The following P3H2 variants were observed in gnomAD, a reference collection of about 807,000 sequenced individuals.
P3H2 encodes leprecan-like 1.
P3H2 carries 80 observed loss-of-function variants against 87.0 expected under a neutral mutation model. The ratio of observed to expected loss-of-function variants is 0.92; its 90% CI spans 0.77 to 1.11. P3H2 has a LOEUF of 1.11. Ranked by LOEUF, P3H2 falls within the 50% of genes least tolerant of loss-of-function variation. The pLI, the probability that P3H2 is intolerant of heterozygous loss-of-function variation, is 0.00. For missense variants in P3H2, 1,001 were observed against 923.9 expected, an observed-to-expected ratio of 1.08 and a Z score of -1.08; for synonymous variants, 367 against 359.3, an observed-to-expected ratio of 1.02 and a Z score of -0.24.
chr3:190,094,722 C>T (rs1024505862), intron 1 of P3H2, among the ~76,000 whole-genome samples: 1 of 152,192 alleles, frequency 6.6e-6, no homozygotes, highest in African/African-American at 2.4e-5. Context: ...ATATATAGTA[C>T]TTTGTAATCC....
chr3:190,082,553 A>G (rs775871602), intron 1 of P3H2, among the ~76,000 whole-genome samples: 22 of 152,290 alleles, frequency 1.4e-4, no homozygotes, highest in Admixed American at 5.2e-4. Flanking sequence ...TTTATCTGTT[A>G]TTTGTGCTAG....
chr3:189,973,100 T>G (rs1327160439), intron 10 of P3H2, 76 bp from the exon 11 acceptor site: 1 of 1,340,692 alleles, frequency 7.5e-7, no homozygotes, highest in African/African-American at 1.5e-5. Context: ...CTAGCTTGCA[T>G]TGAGCCAATA....
chr3:190,096,890 G>A (rs564045670), intron 1 of P3H2, among the ~76,000 whole-genome samples: 9 of 152,290 alleles, frequency 5.9e-5, no homozygotes, highest in South Asian at 2.1e-4. Context: ...TAAAAGCAGC[G>A]TCATGAGAGA....
At chr3:189,966,094 GAAAGAAAGAAA>G (rs1722975227) in intron 13 of P3H2, among the ~76,000 whole-genome samples, 2 of 119,494 alleles carry the variant, frequency 1.7e-5, no homozygotes, top group African/African-American at 8.6e-5. Flanking sequence ...AAGAAAGAAA[GAAAGAAAGAAA>G]AAAGAAAGAA....
intron 1 of P3H2, among the ~76,000 whole-genome samples, chr3:190,041,094 TATATATATATATA>T (rs1376533483): frequency 3.2e-4 from 6 of 18,972 alleles, no homozygotes; most frequent in African/African-American, 2.3e-3. Context: ...TCTCTCTCTA[TATATATATATATA>T]CTATATATAT....
chr3:190,118,162 G>A (rs710595), intron 1 of P3H2, among the ~76,000 whole-genome samples: 32,142 of 152,026 alleles, frequency 0.21, 3,613 homozygotes, highest in East Asian at 0.45. Context: ...GACAAATGCT[G>A]ACATTAACAG....
intron 1 of P3H2, among the ~76,000 whole-genome samples, chr3:190,118,069 T>C (rs1210791716): frequency 6.6e-6 from 1 of 152,166 alleles, no homozygotes. Context: ...CTGTAATCAA[T>C]TCACCACAAA....
chr3:190,086,632 T>C (rs1727219606), intron 1 of P3H2, among the ~76,000 whole-genome samples: 1 of 152,212 alleles, frequency 6.6e-6, no homozygotes, highest in South Asian at 2.1e-4. Context: ...AGGGAAATCA[T>C]GAATCCAAAT....
chr3:190,006,689 G>A (rs993736946), intron 1 of P3H2, among the ~76,000 whole-genome samples: 10 of 152,196 alleles, frequency 6.6e-5, no homozygotes, highest in Admixed American at 3.9e-4. Context: ...CAGTAACCTG[G>A]AAGGTTCAGG....
intron 10 of P3H2, among the ~76,000 whole-genome samples, chr3:189,973,506 TC>T (rs1560343034): frequency 9.5e-5 from 6 of 63,442 alleles, no homozygotes; most frequent in Non-Finnish European, 1.4e-4. Flanking sequence ...TTTCTTTCTT[TC>T]TTTCTTTTTT....
chr3:190,090,208 T>G (rs1727363183), intron 1 of P3H2, among the ~76,000 whole-genome samples: 1 of 152,242 alleles, frequency 6.6e-6, no homozygotes, highest in African/African-American at 2.4e-5. Context: ...ATTGGAAATT[T>G]CTTTAGAAGA....
chr3:190,093,882 A>C (rs1727490800), intron 1 of P3H2, among the ~76,000 whole-genome samples: 1 of 152,220 alleles, frequency 6.6e-6, no homozygotes, highest in Admixed American at 6.5e-5. Context: ...ATACGCTATA[A>C]GTTTAAATGG....
intron 1 of P3H2, among the ~76,000 whole-genome samples, chr3:189,999,634 T>G (rs2108927293): frequency 6.6e-6 from 1 of 152,302 alleles, no homozygotes; most frequent in Non-Finnish European, 1.5e-5. Flanking sequence ...GGCTCCAAAC[T>G]GGACTTCCTT....
intron 6 of P3H2, among the ~76,000 whole-genome samples, 191 bp from the exon 7 acceptor site, chr3:189,984,781 G>T (rs1723640941): frequency 1.3e-5 from 2 of 152,074 alleles, no homozygotes; most frequent in South Asian, 4.1e-4. Context: ...AGTTAGTGGA[G>T]ATTTGGCAAG....
At chr3:189,980,478 G>A (rs1313492603) in intron 8 of P3H2, among the ~76,000 whole-genome samples, 3 of 151,852 alleles carry the variant, frequency 2.0e-5, no homozygotes, top group Admixed American at 6.6e-5. Flanking sequence ...CAGAAGAATC[G>A]CTTGAACCCA....
intron 1 of P3H2, among the ~76,000 whole-genome samples, chr3:190,102,281 A>T (rs748044669): frequency 2.6e-5 from 4 of 152,240 alleles, no homozygotes; most frequent in Non-Finnish European, 4.4e-5. Context: ...TATGACTGCC[A>T]TAGATAGTAA....
intron 1 of P3H2, among the ~76,000 whole-genome samples, chr3:190,111,945 C>T (rs838687): frequency 0.34 from 52,384 of 152,022 alleles, 9,861 homozygotes; most frequent in African/African-American, 0.51. Flanking sequence ...GTAAAACTTG[C>T]TGAAATCGTT....
At chr3:190,116,716 G>T (rs1465738497) in intron 1 of P3H2, 1 of 152,198 alleles carries the variant, frequency 6.6e-6, no homozygotes, top group African/African-American at 2.4e-5. Flanking sequence ...TCTGAGCAGA[G>T]AATGCAATGA....
At chr3:190,012,541 T>TG in intron 1 of P3H2, among the ~76,000 whole-genome samples, 1 of 152,314 alleles carries the variant, frequency 6.6e-6, no homozygotes, top group East Asian at 1.9e-4. Context: ...TCCTGATGAA[T>TG]TTTGTCTCAG....
Sources: gnomAD v4.1 joint callset for allele counts (sites outside exome capture counted in the v4.1 genomes callset) on GRCh38, gnomAD v4.1.1 for gene constraint, MANE v1.5 for transcripts, NCBI Gene and HGNC (gene_info 2026-07-23, HGNC 2026-07-21) for gene names.